Variants in LLGL2 observed in about 807,000 individuals in gnomAD.
LLGL2 encodes LLGL scribble cell polarity complex component 2, also known as LLGL2, scribble cell polarity complex component.
Under a neutral mutation model 123.2 loss-of-function variants are expected in LLGL2, and 81 were observed. The ratio of observed to expected loss-of-function variants is 0.66; its 90% confidence interval spans 0.55 to 0.79. The LOEUF is 0.79. LLGL2 is among the 30% of genes least tolerant of loss of function. LLGL2 has a pLI of 0.00. For missense variants in LLGL2, 1,273 were observed against 1,414.6 expected (o/e 0.90, Z 1.61); for synonymous variants, 577 against 594.1 (o/e 0.97, Z 0.42).
Position 75,544,156 on chromosome 17 carries a change from C to T in LLGL2, c.75+655C>T, listed in dbSNP as rs73362295. Among the ~76,000 whole-genome samples, 8,998 of 152,244 alleles carry T rather than the reference C, an allele frequency of 0.059. 843 individuals are homozygous for T. Among genetic ancestry groups the T allele is most frequent in the African/African-American group, 0.2 (8,361 of 41,512 alleles). On this transcript the variant is annotated intron_variant, in intron 2 of 25. Coordinates refer to ENST00000392550, the MANE Select transcript of LLGL2 (RefSeq NM_001031803.2). This position sits in a 1 kb window ranked among gnomAD's most constrained non-coding sequence, Gnocchi z 4.2. ...CTGAGAAGGTCAGGACGGGCCTGTA[C>T]GCAGGAGGCGTGCAGTGTGGCTCTT...
chr17:75,572,581 C>T (rs1291467275), intron 19 of LLGL2, among the ~76,000 whole-genome samples: 3 of 149,634 alleles, frequency 2.0e-5, no homozygotes, highest in Non-Finnish European at 4.4e-5. Context: ...AGGAGAATGG[C>T]GTGAACCCAG....
At chr17:75,535,728 C>T (rs188408283) in intron 1 of LLGL2, among the ~76,000 whole-genome samples, 265 of 152,330 alleles carry the variant, frequency 1.7e-3, no homozygotes, top group Non-Finnish European at 2.9e-3. Context: ...TCTCTCTCTG[C>T]CCCCACTGGT....
chr17:75,569,568 C>G (rs913985800), intron 14 of LLGL2, among the ~76,000 whole-genome samples: 1 of 152,080 alleles, frequency 6.6e-6, no homozygotes, highest in Admixed American at 6.6e-5. Context: ...TTTGGGAGAC[C>G]AAGGCAGGCG....
In LLGL2 at chr17:75,530,432, C is replaced by T. The variant is rs573297064; in HGVS notation, c.-31+4607C>T. On this transcript the variant is annotated intron_variant, in intron 1 of 25. Transcript: ENST00000392550. ...TTGGGAGGCCGAGGCAGGCGGATCACGAGGTCAGGAGATCGAGACCATCCT... is the reference window on the plus strand; with the variant it reads ...TTGGGAGGCCGAGGCAGGCGGATCATGAGGTCAGGAGATCGAGACCATCCT... Among the ~76,000 whole-genome samples the T allele has an allele frequency of 1.1e-4, 17 of 152,068 alleles. 1 individual carries two copies. In the South Asian group the frequency reaches 3.1e-3, roughly 28 times the overall value.
At chr17:75,526,803 G>A (rs1199146115) in intron 1 of LLGL2, among the ~76,000 whole-genome samples, 3 of 152,142 alleles carry the variant, frequency 2.0e-5, no homozygotes, top group Non-Finnish European at 2.9e-5. Context: ...AGGTGACAAG[G>A]AAACGCTGGT....
Position 75,558,607 on chromosome 17 carries a change from C to T in LLGL2, c.351C>T (p.Phe117=), listed in dbSNP as rs528902947. The T allele has an allele frequency of 6.2e-6, 10 of 1,607,714 alleles. No homozygotes were observed. In the African/African-American group the frequency reaches 1.1e-4, roughly 17 times the overall value. The change falls in exon 5 of 26, where the codon TTC becomes TTT. Residue 117 remains phenylalanine (F), a synonymous_variant. Coordinates refer to ENST00000392550, the MANE Select transcript of LLGL2 (RefSeq NM_001031803.2). The surrounding 1 kb of genome is among the most constrained non-coding windows in gnomAD (Gnocchi z 4.0). The part of the protein sequence containing the change: ...GASELQEDES[F]TLRGPPGAAP... ...CGGAGCTGCAGGAGGATGAGAGCTT[C>T]ACACTGCGTGGACCCCCAGGGTAAG...
intron 2 of LLGL2, among the ~76,000 whole-genome samples, chr17:75,551,609 G>T (rs896792352): frequency 6.6e-6 from 1 of 152,144 alleles, no homozygotes; most frequent in African/African-American, 2.4e-5. Flanking sequence ...ATGCTGAGCC[G>T]AACAGGAGTA....
rs2147616220 is a variant in LLGL2 at position 75,574,962 on chromosome 17, G to A, written c.*84G>A. On this transcript the variant is annotated 3_prime_UTR_variant, in exon 26 of 26. Coordinates refer to ENST00000392550, the MANE Select transcript of LLGL2 (RefSeq NM_001031803.2). ...GTCCCTGCCCCAACCGGAGAGGCCG[G>A]TGCACAGGGCCCCGCCAGGGGCTGG... 2 of 1,596,790 alleles carry A rather than the reference G, an allele frequency of 1.3e-6. No individual in the cohort carries two copies. Among genetic ancestry groups the A allele is most frequent in the Non-Finnish European group, 1.7e-6 (2 of 1,165,066 alleles).
At chr17:75,538,830 T>C (rs963922292) in intron 1 of LLGL2, among the ~76,000 whole-genome samples, 1 of 152,172 alleles carries the variant, frequency 6.6e-6, no homozygotes, top group African/African-American at 2.4e-5. Flanking sequence ...GACAAGGGAA[T>C]GGTCACTGAG....
In LLGL2 at chr17:75,525,947, AG is replaced by A. The variant is rs929322980; in HGVS notation, c.-31+124del. ...GGGCCAGGGCGGGAGGGCTGCGCCCAGGTCCGCGCGCCTCGCCCCTGTCCGC... is the reference window on the plus strand; with the variant it reads ...GGGCCAGGGCGGGAGGGCTGCGCCCAGTCCGCGCGCCTCGCCCCTGTCCGC... On this transcript the variant is annotated intron_variant, in intron 1 of 25. Coordinates refer to ENST00000392550, the MANE Select transcript of LLGL2 (RefSeq NM_001031803.2). The surrounding 1 kb of genome is among the most constrained non-coding windows in gnomAD (Gnocchi z 4.8). The A allele has an allele frequency of 6.6e-5, 10 of 152,084 alleles. No individual in the cohort carries two copies. Among genetic ancestry groups the A allele is most frequent in the Non-Finnish European group, 1.5e-4 (10 of 68,034 alleles). 9.4% of individuals were successfully genotyped at this position (152,084 alleles called of 1,614,324 possible).
At chr17:75,536,623 G>A (rs1313853792) in intron 1 of LLGL2, among the ~76,000 whole-genome samples, 2 of 152,160 alleles carry the variant, frequency 1.3e-5, no homozygotes, top group African/African-American at 2.4e-5. Flanking sequence ...CATGCCTGGG[G>A]CCTCTTTCCT....
At chr17:75,547,485 C>T (rs567851792) in intron 2 of LLGL2, among the ~76,000 whole-genome samples, 1 of 152,338 alleles carries the variant, frequency 6.6e-6, no homozygotes, top group East Asian at 1.9e-4. Context: ...GGAGCAAAAA[C>T]TGGCTTCCCT....
chr17:75,556,177 G>T, intron 3 of LLGL2, 34 bp downstream of exon 3: 1 of 1,547,368 alleles, frequency 6.5e-7, no homozygotes, highest in Non-Finnish European at 8.9e-7. Flanking sequence ...ACTCGGGCAG[G>T]GCCTTGGGGT....
intron 2 of LLGL2, among the ~76,000 whole-genome samples, chr17:75,548,279 C>CTT (rs112381847): frequency 2.1e-5 from 3 of 144,274 alleles, no homozygotes; most frequent in South Asian, 2.3e-4. Context: ...TTTTTTTTTC[C>CTT]TTTTTTTTTT....
intron 10 of LLGL2, among the ~76,000 whole-genome samples, chr17:75,565,887 C>G (rs994355241): frequency 1.3e-5 from 2 of 152,200 alleles, no homozygotes; most frequent in African/African-American, 4.8e-5. Flanking sequence ...TGCTATATGC[C>G]AGGCCCTGTT....
rs1288946943 is a variant in LLGL2, at chr17:75,569,277, C to T, written c.1533C>T (p.Phe511=). The change falls in exon 14 of 26, where the codon TTC becomes TTT. Residue 511 remains phenylalanine, a synonymous_variant. Coordinates refer to ENST00000392550, the MANE Select transcript of LLGL2 (RefSeq NM_001031803.2). ...CCCGGCTGGGCATCCAGAAGATCTT[C>T]CTCTGCAAGTACAGCGGCTACCTGG... ...DDPRLGIQKI[F]LCKYSGYLAV... is the part of the protein sequence containing the mutation. The T allele has an allele frequency of 1.9e-6, 3 of 1,613,444 alleles. No homozygotes were observed. The African/African-American group carries it at 4.0e-5, about 22-fold the overall frequency.
Position 75,570,344 on chromosome 17 carries a change from C to CA in LLGL2, c.1875-2dup. 1.9e-6 allele frequency: 3 copies of CA among 1,611,728 alleles called. No individual in the cohort carries two copies. The highest frequency in any genetic ancestry group is 2.5e-6 in the Non-Finnish European group (3 of 1,179,426). ...CAGCACTGACAGCCTGCCATCCCCC[C>CA]AAGGTGCACACTGCACCCCAGTGAC... On this transcript the variant is annotated splice_polypyrimidine_tract_variant and splice_region_variant and intron_variant, in intron 15 of 25. Transcript: ENST00000392550.
chr17:75,573,357 A>G, intron 20 of LLGL2, 79 bp downstream of exon 20: 1 of 1,553,656 alleles, frequency 6.4e-7, no homozygotes, highest in Non-Finnish European at 8.8e-7. Flanking sequence ...TGTTGTGGCC[A>G]CGGCCAGACT....
Position 75,571,662 on chromosome 17 carries a change from G to A in LLGL2, c.2177-5G>A, listed in dbSNP as rs1252334690. The A allele has an allele frequency of 4.4e-6, 7 of 1,604,978 alleles. No homozygotes were observed. The highest frequency in any genetic ancestry group is 5.9e-6 in the Non-Finnish European group (7 of 1,177,700). ...GTCAGACACCCAAACATGGCTTCTC[G>A]GCAGGCTCCCGGCACTGCCCCTCGC... On this transcript the variant is annotated splice_region_variant and splice_polypyrimidine_tract_variant and intron_variant, in intron 17 of 25. Transcript: ENST00000392550.
Sources: allele counts gnomAD v4.1 joint callset (sites outside exome capture counted in the v4.1 genomes callset), GRCh38; gene constraint gnomAD v4.1.1; non-coding constraint Gnocchi (gnomAD v3.1); transcripts MANE v1.5; gene names NCBI Gene and HGNC (gene_info 2026-07-23, HGNC 2026-07-21).